FLRT2: variants seen among roughly 807,000 people sequenced by gnomAD.
The protein encoded by FLRT2 is fibronectin leucine rich transmembrane protein 2, also known as leucine-rich repeat transmembrane protein FLRT2.
In FLRT2, 15 loss-of-function variants were observed where a neutral mutation model predicts 40.0. The observed-to-expected ratio is 0.38, with a 90% CI of 0.25 to 0.58. FLRT2 has a LOEUF of 0.58. FLRT2 is among the 20% of genes least tolerant of loss of function. The pLI, the probability that FLRT2 is intolerant of heterozygous loss-of-function variation, is 0.71. For missense variants in FLRT2, 726 were observed against 840.0 expected (o/e 0.86, Z 1.68); for synonymous variants, 380 against 336.8 (o/e 1.13, Z -1.41).
intron 1 of FLRT2, among the ~76,000 whole-genome samples, chr14:85,600,404 C>T (rs906743211): frequency 1.3e-5 from 2 of 152,092 alleles, no homozygotes; most frequent in South Asian, 2.1e-4. Flanking sequence ...TAATCATGTA[C>T]ATTTAATCTG....
At chr14:85,603,846 G>T (rs899984192) in intron 1 of FLRT2, among the ~76,000 whole-genome samples, 1 of 152,128 alleles carries the variant, frequency 6.6e-6, no homozygotes, top group Non-Finnish European at 1.5e-5. Context: ...CTCCAGCCTG[G>T]GCGACAGAGC....
rs549230638 is a variant in FLRT2, at chr14:85,643,960, T to G, written c.*20463T>G. ...TGGATAATTGCTCATTATAGCTTCA[T>G]GAATAATATAGATGTTCAGCCAACT... On this transcript the variant is annotated 3_prime_UTR_variant, in exon 2 of 2. Transcript: ENST00000330753. 47 of 152,308 alleles carry G rather than the reference T, an allele frequency of 3.1e-4. No individual in the cohort carries two copies. The highest frequency in any genetic ancestry group is 1.1e-3 in the African/African-American group (45 of 41,566). 9.4% of individuals were successfully genotyped at this position (152,308 alleles called of 1,614,324 possible).
chr14:85,561,852 T>C (rs1682417041), intron 1 of FLRT2, among the ~76,000 whole-genome samples: 1 of 152,234 alleles, frequency 6.6e-6, no homozygotes, highest in Non-Finnish European at 1.5e-5. Flanking sequence ...TTGGTAAAAT[T>C]ATGAAATTCT....
chr14:85,599,169 C>T (rs1057433926), intron 1 of FLRT2, among the ~76,000 whole-genome samples: 1 of 150,934 alleles, frequency 6.6e-6, no homozygotes, highest in Non-Finnish European at 1.5e-5. Flanking sequence ...ATCTGCCCGC[C>T]TCGGCCTCCC....
At chr14:85,579,925 A>ATTTT (rs4015970) in intron 1 of FLRT2, among the ~76,000 whole-genome samples, 5,535 of 117,448 alleles carry the variant, frequency 0.047, 217 homozygotes, top group East Asian at 0.11. Flanking sequence ...GGGTATTAGA[A>ATTTT]TTTTTTTTTT....
chr14:85,626,007 T>C lies in FLRT2; in HGVS notation c.*2510T>C, dbSNP rs570677894. 2 of 167,164 alleles carry C rather than the reference T, an allele frequency of 1.2e-5. No individual in the cohort carries two copies. The highest frequency in any genetic ancestry group is 4.1e-4 in the South Asian group (2 of 4,828). The allele number at this position is 167,164 out of a possible 1,614,324, so 10.4% of individuals were successfully genotyped here. On this transcript the variant is annotated 3_prime_UTR_variant, in exon 2 of 2. Transcript: ENST00000330753. ...GTACAATGGAGACAGTCATGTGCAA[T>C]GCTTAAGATGGTCTGACAGGGTCCC...
chr14:85,633,814 A>G lies in FLRT2; in HGVS notation c.*10317A>G, dbSNP rs995256073. 1 of 148,702 alleles carries G rather than the reference A, an allele frequency of 6.7e-6. No individual in the cohort carries two copies. Among genetic ancestry groups the G allele is most frequent in the Admixed American group, 6.8e-5 (1 of 14,774 alleles). 9.2% of individuals were successfully genotyped at this position (148,702 alleles called of 1,614,324 possible). A position where few individuals can be genotyped will look rare whatever the true frequency, so the allele number is the denominator to read the frequency against. On this transcript the variant is annotated 3_prime_UTR_variant, in exon 2 of 2. Coordinates refer to ENST00000330753, the MANE Select transcript of FLRT2 (RefSeq NM_013231.6). ...GACCCTGTCTCAAAAAAAAAAAAAA[A>G]GTAATAAATTTCTGATATTGTTTCA...
chr14:85,542,068 T>A (rs1889014783), intron 1 of FLRT2, among the ~76,000 whole-genome samples: 1 of 152,244 alleles, frequency 6.6e-6, no homozygotes, highest in South Asian at 2.1e-4. Context: ...TATGCTTGCT[T>A]AAGGCTTATT....
chr14:85,531,702 G>A (rs1180710212), intron 1 of FLRT2, among the ~76,000 whole-genome samples: 1 of 152,154 alleles, frequency 6.6e-6, no homozygotes, highest in Non-Finnish European at 1.5e-5. Flanking sequence ...GTTCCCTTCC[G>A]ATTAGCACCC....
chr14:85,533,507 G>A (rs959200314), intron 1 of FLRT2, among the ~76,000 whole-genome samples: 5 of 152,056 alleles, frequency 3.3e-5, no homozygotes, highest in Non-Finnish European at 7.4e-5. Flanking sequence ...CCGAGTCCCG[G>A]GATCCTCCAA....
intron 1 of FLRT2, among the ~76,000 whole-genome samples, chr14:85,536,804 G>A (rs757157644): frequency 3.3e-5 from 5 of 152,122 alleles, no homozygotes; most frequent in Non-Finnish European, 7.3e-5. Context: ...TAATAAAAAT[G>A]TTATGGACTA....
chr14:85,550,470 C>T (rs1469035029), intron 1 of FLRT2, among the ~76,000 whole-genome samples: 7 of 152,180 alleles, frequency 4.6e-5, no homozygotes, highest in Non-Finnish European at 8.8e-5. Flanking sequence ...ATATGAGACA[C>T]ATTTCATTTA....
At position 85,626,941 on chromosome 14, in the gene FLRT2, G is replaced by A. The variant is rs1893707036; in HGVS notation, c.*3444G>A. The A allele has an allele frequency of 6.0e-6, 1 of 167,080 alleles. No homozygotes were observed. Among genetic ancestry groups the A allele is most frequent in the South Asian group, 2.1e-4 (1 of 4,824 alleles). The allele number at this position is 167,080 out of a possible 1,614,324, so 10.3% of individuals were successfully genotyped here. On this transcript the variant is annotated 3_prime_UTR_variant, in exon 2 of 2. Coordinates refer to ENST00000330753, the MANE Select transcript of FLRT2 (RefSeq NM_013231.6). ...AAATCAGAACTTCCTTCCCCACCAG[G>A]GAGGACAACATCTTCATGCTGTGAT...
At chr14:85,585,348 T>C (rs1323234119) in intron 1 of FLRT2, among the ~76,000 whole-genome samples, 5 of 152,174 alleles carry the variant, frequency 3.3e-5, no homozygotes, top group African/African-American at 9.7e-5. Context: ...CAGACTATTC[T>C]TTTTCAGGGC....
chr14:85,602,383 T>A (rs143298525), intron 1 of FLRT2, among the ~76,000 whole-genome samples: 89 of 152,316 alleles, frequency 5.8e-4, no homozygotes, highest in African/African-American at 2.0e-3. Flanking sequence ...CACTACTGGC[T>A]TTGCTCCCTG....
Position 85,631,686 on chromosome 14 carries a change from T to A in FLRT2, c.*8189T>A, listed in dbSNP as rs930224744. 6.6e-6 allele frequency: 1 copy of A among 152,190 alleles called. No homozygotes were observed. The highest frequency in any genetic ancestry group is 2.4e-5 in the African/African-American group (1 of 41,434). 9.4% of individuals were successfully genotyped at this position (152,190 alleles called of 1,614,324 possible). A position where few individuals can be genotyped will look rare whatever the true frequency, so the allele number is the denominator to read the frequency against. On this transcript the variant is annotated 3_prime_UTR_variant, in exon 2 of 2. Coordinates refer to ENST00000330753, the MANE Select transcript of FLRT2 (RefSeq NM_013231.6). ...AAAATCTCTTGATTACTCATCAACATTTTTAAAAGAAATTTTGTTTTTATG... is the reference window on the plus strand; with the variant it reads ...AAAATCTCTTGATTACTCATCAACAATTTTAAAAGAAATTTTGTTTTTATG...
intron 1 of FLRT2, among the ~76,000 whole-genome samples, chr14:85,570,864 C>T (rs6574833): frequency 4.0e-5 from 6 of 151,802 alleles, no homozygotes; most frequent in African/African-American, 1.5e-4. Flanking sequence ...GGATTACAGG[C>T]GTGAGCCACC....
At chr14:85,593,436 C>T (rs1891992419) in intron 1 of FLRT2, among the ~76,000 whole-genome samples, 1 of 151,684 alleles carries the variant, frequency 6.6e-6, no homozygotes, top group South Asian at 2.1e-4. Context: ...GCATGTCATA[C>T]CTTTCACAGG....
chr14:85,630,285 C>CTTTTTTTTTTTTTTTTTTTTTTT lies in FLRT2; in HGVS notation c.*6810_*6811insTTTTTTTTTTTTTTTTTTTTTTT, dbSNP rs781639291. ...CATACCAATGGGTGATCATATCTGT[C>CTTTTTTTTTTTTTTTTTTTTTTT]TTTTTTTTTTTTTTTTTTTTTTGGT... is the stretch of plus-strand genomic sequence containing the variant. On this transcript the variant is annotated 3_prime_UTR_variant, in exon 2 of 2. Coordinates refer to ENST00000330753, the MANE Select transcript of FLRT2 (RefSeq NM_013231.6). The CTTTTTTTTTTTTTTTTTTTTTTT allele has an allele frequency of 1.1e-5, 1 of 93,456 alleles. No homozygotes were observed. 5.8% of individuals were successfully genotyped at this position (93,456 alleles called of 1,614,324 possible).
Sources: gnomAD v4.1 joint callset for allele counts (sites outside exome capture counted in the v4.1 genomes callset) on GRCh38, gnomAD v4.1.1 for gene constraint, MANE v1.5 for transcripts, NCBI Gene and HGNC (gene_info 2026-07-23, HGNC 2026-07-21) for gene names.